TSPAN5: variants seen among roughly 807,000 people sequenced by gnomAD.
TSPAN5 encodes tetraspanin 5.
TSPAN5 carries 10 observed loss-of-function variants against 37.1 expected under a neutral mutation model. The ratio of observed to expected loss-of-function variants is 0.27; its 90% CI spans 0.17 to 0.46. TSPAN5 has a LOEUF of 0.46. Ranked by LOEUF, TSPAN5 falls within the 20% of genes least tolerant of loss-of-function variation. The pLI, the probability that TSPAN5 is intolerant of heterozygous loss-of-function variation, is 1.00. For missense variants in TSPAN5, 195 were observed against 326.6 expected (o/e 0.60, Z 3.11); for synonymous variants, 110 against 118.9 (o/e 0.93, Z 0.48).
intron 1 of TSPAN5, among the ~76,000 whole-genome samples, chr4:98,533,879 G>A (rs1484852297): frequency 3.2e-5 from 4 of 125,212 alleles, no homozygotes; most frequent in South Asian, 5.3e-4. Flanking sequence ...GCATCTATTT[G>A]ATTCTTCTCT....
At chr4:98,508,716 G>A (rs1309577083) in intron 1 of TSPAN5, among the ~76,000 whole-genome samples, 2 of 151,834 alleles carry the variant, frequency 1.3e-5, no homozygotes, top group African/African-American at 4.8e-5. Context: ...GTAGAGACAA[G>A]GCCTCACTAT....
intron 1 of TSPAN5, among the ~76,000 whole-genome samples, chr4:98,628,017 T>C (rs1402566347): frequency 3.3e-5 from 5 of 152,192 alleles, no homozygotes; most frequent in Non-Finnish European, 7.3e-5. Context: ...ACAGCTCCCC[T>C]GACAGGTCAA....
At chr4:98,548,002 ACT>A (rs1754507624) in intron 1 of TSPAN5, among the ~76,000 whole-genome samples, 1 of 121,402 alleles carries the variant, frequency 8.2e-6, no homozygotes, top group Non-Finnish European at 1.6e-5. Flanking sequence ...ACAGAGCGAG[ACT>A]CTGTCTCAAA....
At chr4:98,510,822 T>C (rs1419892675) in intron 1 of TSPAN5, among the ~76,000 whole-genome samples, 2 of 152,224 alleles carry the variant, frequency 1.3e-5, no homozygotes, top group African/African-American at 4.8e-5. Context: ...GGCCTCAACT[T>C]GATACATACC....
At chr4:98,529,286 T>C (rs1192679537) in intron 1 of TSPAN5, among the ~76,000 whole-genome samples, 3 of 152,250 alleles carry the variant, frequency 2.0e-5, no homozygotes, top group Non-Finnish European at 4.4e-5. Flanking sequence ...AACTAAAGCA[T>C]GTGCCCTCGA....
intron 1 of TSPAN5, among the ~76,000 whole-genome samples, chr4:98,630,296 AAAC>A (rs1486857722): frequency 6.6e-6 from 1 of 152,194 alleles, no homozygotes; most frequent in Non-Finnish European, 1.5e-5. Context: ...CTGATGGAGA[AAAC>A]AACATGGCAC....
At chr4:98,575,820 C>T (rs1211256611) in intron 1 of TSPAN5, among the ~76,000 whole-genome samples, 1 of 151,592 alleles carries the variant, frequency 6.6e-6, no homozygotes, top group East Asian at 1.9e-4. Context: ...ACCTGTAATC[C>T]CAGCACTTTG....
At chr4:98,481,258 G>A (rs1752832372) in intron 4 of TSPAN5, among the ~76,000 whole-genome samples, 1 of 152,206 alleles carries the variant, frequency 6.6e-6, no homozygotes, top group Non-Finnish European at 1.5e-5. Flanking sequence ...TGGGGAAATA[G>A]GTCAAGGTCC....
At chr4:98,582,209 C>A (rs1171382866) in intron 1 of TSPAN5, among the ~76,000 whole-genome samples, 1 of 152,188 alleles carries the variant, frequency 6.6e-6, no homozygotes, top group Non-Finnish European at 1.5e-5. Context: ...GCCGCTGGGC[C>A]CTCTCCCCTG....
intron 1 of TSPAN5, among the ~76,000 whole-genome samples, chr4:98,632,039 G>A (rs1236745333): frequency 6.6e-6 from 1 of 152,084 alleles, no homozygotes; most frequent in African/African-American, 2.4e-5. Context: ...ACTAAAACCA[G>A]CTCTCCCCTA....
At chr4:98,583,216 A>G (rs1429893483) in intron 1 of TSPAN5, among the ~76,000 whole-genome samples, 1 of 152,174 alleles carries the variant, frequency 6.6e-6, no homozygotes, top group African/African-American at 2.4e-5. Context: ...ATCCAGAATA[A>G]TTTTCCTTCA....
intron 1 of TSPAN5, among the ~76,000 whole-genome samples, chr4:98,509,320 G>C (rs1314782424): frequency 6.6e-6 from 1 of 152,208 alleles, no homozygotes; most frequent in Non-Finnish European, 1.5e-5. Context: ...GGGCTTCACT[G>C]TTCTCAGCAG....
At chr4:98,516,529 TAGCTAA>T (rs1402086251) in intron 1 of TSPAN5, among the ~76,000 whole-genome samples, 4 of 152,352 alleles carry the variant, frequency 2.6e-5, no homozygotes, top group Admixed American at 1.3e-4. Flanking sequence ...CCTCTCATCT[TAGCTAA>T]AGCTACTTTG....
intron 1 of TSPAN5, among the ~76,000 whole-genome samples, chr4:98,571,645 C>G (rs1339197491): frequency 6.6e-6 from 1 of 152,092 alleles, no homozygotes; most frequent in Non-Finnish European, 1.5e-5. Context: ...AGGTGAGGAG[C>G]TACCCATACG....
At chr4:98,604,202 A>G (rs1579023197) in intron 1 of TSPAN5, among the ~76,000 whole-genome samples, 1 of 152,252 alleles carries the variant, frequency 6.6e-6, no homozygotes, top group African/African-American at 2.4e-5. Flanking sequence ...CCGGGAAATG[A>G]AGCCAAAACT....
At chr4:98,503,635 G>A (rs912092201) in intron 2 of TSPAN5, among the ~76,000 whole-genome samples, 1 of 152,144 alleles carries the variant, frequency 6.6e-6, no homozygotes, top group African/African-American at 2.4e-5. Context: ...ACTTTGCTGT[G>A]GGAACCATTA....
At chr4:98,480,036 C>A (rs1334344865) in intron 4 of TSPAN5, among the ~76,000 whole-genome samples, 1 of 152,098 alleles carries the variant, frequency 6.6e-6, no homozygotes, top group Admixed American at 6.5e-5. Context: ...CACTGCGTGA[C>A]CAGAAGGCGG....
chr4:98,488,056 G>A (rs1333644585), intron 2 of TSPAN5, among the ~76,000 whole-genome samples: 1 of 152,118 alleles, frequency 6.6e-6, no homozygotes. Flanking sequence ...AAAAAAAATT[G>A]TTTTCAAAGC....
intron 1 of TSPAN5, among the ~76,000 whole-genome samples, chr4:98,582,034 C>T (rs1204249138): frequency 6.6e-6 from 1 of 152,126 alleles, no homozygotes; most frequent in Non-Finnish European, 1.5e-5. Flanking sequence ...CATCTGAGCT[C>T]CCGGCCCATC....
Sources: allele counts gnomAD v4.1 joint callset (sites outside exome capture counted in the v4.1 genomes callset), GRCh38; gene constraint gnomAD v4.1.1; transcripts MANE v1.5; gene names NCBI Gene and HGNC (gene_info 2026-07-23, HGNC 2026-07-21).